Variants in TYW1 observed in about 807,000 individuals in gnomAD.
The protein encoded by TYW1 is tRNA-yW synthesizing protein 1 homolog.
TYW1 carries 46 observed loss-of-function variants against 96.2 expected under a neutral mutation model. The ratio of observed to expected loss-of-function variants is 0.48; its 90% confidence interval spans 0.38 to 0.61. TYW1 has a LOEUF of 0.61. Among genes scored for constraint, TYW1 ranks in the 20% least tolerant of loss-of-function variants. The pLI is 0.00. For missense variants in TYW1, 684 were observed against 909.6 expected, an observed-to-expected ratio of 0.75 and a Z score of 3.19; for synonymous variants, 274 against 323.0, an observed-to-expected ratio of 0.85 and a Z score of 1.63.
At chr7:67,182,159 A>AT (rs1799862747) in intron 13 of TYW1, among the ~76,000 whole-genome samples, 2 of 152,138 alleles carry the variant, frequency 1.3e-5, no homozygotes, top group African/African-American at 2.4e-5. Context: ...TTGTCCTGAG[A>AT]TTTTTTAGTG....
intron 12 of TYW1, among the ~76,000 whole-genome samples, chr7:67,112,361 A>G (rs1797446447): frequency 6.6e-6 from 1 of 152,130 alleles, no homozygotes; most frequent in South Asian, 2.1e-4. Flanking sequence ...CATGCCTGTA[A>G]TCCCAGTACT....
chr7:67,005,649 T>G (rs1439644584), intron 3 of TYW1, among the ~76,000 whole-genome samples: 1 of 152,158 alleles, frequency 6.6e-6, no homozygotes, highest in Non-Finnish European at 1.5e-5. Flanking sequence ...TATAGCAAAA[T>G]GGACTAAGAC....
At chr7:67,107,729 CT>C (rs1219207168) in intron 12 of TYW1, among the ~76,000 whole-genome samples, 3,891 of 143,002 alleles carry the variant, frequency 0.027, 37 homozygotes, top group African/African-American at 0.031. Flanking sequence ...ATAAGATTGA[CT>C]TTTTTTTTTT....
At chr7:67,159,039 T>C (rs1799074171) in intron 13 of TYW1, among the ~76,000 whole-genome samples, 1 of 152,268 alleles carries the variant, frequency 6.6e-6, no homozygotes, top group African/African-American at 2.4e-5. Flanking sequence ...GCTCTGACTT[T>C]TATAATTTAT....
At chr7:67,212,795 C>T (rs1440282331) in intron 15 of TYW1, among the ~76,000 whole-genome samples, 1 of 152,058 alleles carries the variant, frequency 6.6e-6, no homozygotes, top group Admixed American at 6.5e-5. Flanking sequence ...TGCTTATTTG[C>T]CATCTGTGTA....
chr7:67,032,701 T>C (rs1228931060), intron 7 of TYW1, among the ~76,000 whole-genome samples: 1 of 151,998 alleles, frequency 6.6e-6, no homozygotes, highest in Non-Finnish European at 1.5e-5. Context: ...CTCCTAGTCA[T>C]GTGTTTTGAG....
intron 13 of TYW1, among the ~76,000 whole-genome samples, chr7:67,164,112 T>C (rs1210254175): frequency 2.0e-5 from 3 of 152,220 alleles, no homozygotes; most frequent in Non-Finnish European, 4.4e-5. Flanking sequence ...CCCAAAACTT[T>C]TGTTGTATTT....
intron 13 of TYW1, among the ~76,000 whole-genome samples, chr7:67,179,920 G>A (rs1799784850): frequency 2.0e-5 from 2 of 99,664 alleles, no homozygotes; most frequent in South Asian, 3.4e-4. Flanking sequence ...GCTGGAGTGC[G>A]TTGGTGTGAT....
chr7:67,018,417 T>G (rs529317432), intron 6 of TYW1, among the ~76,000 whole-genome samples: 71 of 151,936 alleles, frequency 4.7e-4, no homozygotes, highest in East Asian at 2.1e-3. Flanking sequence ...GGTGCATGCC[T>G]GTTGTCTCAG....
intron 7 of TYW1, among the ~76,000 whole-genome samples, chr7:67,044,664 G>A (rs1172107231): frequency 3.9e-5 from 6 of 151,944 alleles, no homozygotes; most frequent in Non-Finnish European, 8.8e-5. Flanking sequence ...CTGTTGCCCA[G>A]GCTGGAGTGC....
chr7:67,046,577 T>C (rs550919999), intron 7 of TYW1, among the ~76,000 whole-genome samples: 1 of 152,322 alleles, frequency 6.6e-6, no homozygotes, highest in South Asian at 2.1e-4. Context: ...TACACAAAAA[T>C]ATATGGATCT....
At chr7:67,230,305 A>C (rs539059363) in intron 15 of TYW1, among the ~76,000 whole-genome samples, 7 of 148,012 alleles carry the variant, frequency 4.7e-5, no homozygotes, top group Non-Finnish European at 8.9e-5. Context: ...TTTGCCTGCC[A>C]GTCCTCTCCT....
At chr7:67,044,047 T>C (rs1795108982) in intron 7 of TYW1, among the ~76,000 whole-genome samples, 1 of 151,912 alleles carries the variant, frequency 6.6e-6, no homozygotes, top group African/African-American at 2.4e-5. Context: ...TTCAGTGATA[T>C]AATTTTTATT....
At position 67,120,670 on chromosome 7, in the gene TYW1, T is replaced by C. The variant is rs969403899; in HGVS notation, c.1698+3052T>C. ...CTGGCAAAGTCAGGCCCATCTGACATTGTTATCTAGGCTGTGTTCTTTGAG... is the reference window on the plus strand; with the variant it reads ...CTGGCAAAGTCAGGCCCATCTGACACTGTTATCTAGGCTGTGTTCTTTGAG... On this transcript the variant is annotated intron_variant, in intron 13 of 15. Transcript: ENST00000359626. Among the ~76,000 whole-genome samples the C allele has an allele frequency of 9.2e-5, 14 of 152,308 alleles. 1 individual carries two copies. The South Asian group carries it at 1.9e-3, about 20-fold the overall frequency.
At chr7:67,100,790 G>A (rs1584561277) in intron 12 of TYW1, among the ~76,000 whole-genome samples, 1 of 149,612 alleles carries the variant, frequency 6.7e-6, no homozygotes, top group South Asian at 2.1e-4. Context: ...CGAGAACCTG[G>A]GAGGCGGAGC....
chr7:67,157,674 C>T (rs1799027505), intron 13 of TYW1, among the ~76,000 whole-genome samples: 3 of 152,206 alleles, frequency 2.0e-5, no homozygotes, highest in Admixed American at 2.0e-4. Context: ...ATTCCAGGAT[C>T]CCATTCAGGA....
chr7:67,083,746 G>A (rs867571986), intron 11 of TYW1, among the ~76,000 whole-genome samples: 7 of 152,172 alleles, frequency 4.6e-5, no homozygotes, highest in Admixed American at 1.3e-4. Context: ...TTAAAATGTA[G>A]CAACTTGGCC....
At chr7:67,026,490 A>G (rs780893923) in intron 7 of TYW1, among the ~76,000 whole-genome samples, 1 of 152,024 alleles carries the variant, frequency 6.6e-6, no homozygotes, top group Non-Finnish European at 1.5e-5. Flanking sequence ...TGTTTTAGGT[A>G]GAGTGACTCA....
intron 14 of TYW1, among the ~76,000 whole-genome samples, chr7:67,186,077 A>G (rs1800007096): frequency 1.4e-5 from 2 of 144,078 alleles, no homozygotes; most frequent in Non-Finnish European, 1.5e-5. Context: ...TAATGATGCA[A>G]AGATACAAAC....
Sources: gnomAD v4.1 joint callset for allele counts (sites outside exome capture counted in the v4.1 genomes callset) on GRCh38, gnomAD v4.1.1 for gene constraint, MANE v1.5 for transcripts, NCBI Gene and HGNC (gene_info 2026-07-23, HGNC 2026-07-21) for gene names.